AFF4: variants seen among roughly 807,000 people sequenced by gnomAD.
AFF4 encodes the protein AF4/FMR2 family member 4.
AFF4 carries 13 observed loss-of-function variants against 124.8 expected under a neutral mutation model. The observed-to-expected ratio is 0.10, with a 90% CI of 0.07 to 0.17. The LOEUF is 0.17. Ranked by LOEUF, AFF4 falls within the 10% of genes least tolerant of loss-of-function variation. The pLI is 1.00. For synonymous variants in AFF4, 477 were observed against 496.1 expected (o/e 0.96, Z 0.51); for missense variants, 1,092 against 1,403.8 (o/e 0.78, Z 3.55).
chr5:132,958,852 C>G (rs764614323), intron 1 of AFF4, among the ~76,000 whole-genome samples: 1 of 152,132 alleles, frequency 6.6e-6, no homozygotes, highest in East Asian at 1.9e-4. Flanking sequence ...GCCCTGTCCC[C>G]GAACAGATCT....
At chr5:132,928,494 T>C (rs959201851) in intron 4 of AFF4, among the ~76,000 whole-genome samples, 1 of 152,156 alleles carries the variant, frequency 6.6e-6, no homozygotes, top group African/African-American at 2.4e-5. Context: ...CCTCATTTTT[T>C]CCTTCAAAAA....
In AFF4 at chr5:132,937,151, T is replaced by C. The variant is rs1207857395; in HGVS notation, c.39A>G (p.Glu13=). Residue 13 remains glutamate, a synonymous_variant, in exon 2 of 21, where the codon GAA becomes GAG. Coordinates refer to ENST00000265343, the MANE Select transcript of AFF4 (RefSeq NM_014423.4). ...GAATTTCCTGATTCCGCCTTTCCCGTTCTTTCATACGCAGCACATTCCGGT... is the reference window on the plus strand; with the variant it reads ...GAATTTCCTGATTCCGCCTTTCCCGCTCTTTCATACGCAGCACATTCCGGT... The part of the protein sequence containing the change: ...REDRNVLRMK[E]RERRNQEIQQ... 1 of 1,613,936 alleles carries C rather than the reference T, an allele frequency of 6.2e-7. No homozygotes were observed. Among genetic ancestry groups the C allele is most frequent in the Non-Finnish European group, 8.5e-7 (1 of 1,179,970 alleles).
intron 5 of AFF4, among the ~76,000 whole-genome samples, chr5:132,922,169 G>C (rs904261814): frequency 6.6e-6 from 1 of 152,162 alleles, no homozygotes; most frequent in Non-Finnish European, 1.5e-5. Context: ...TGTAATCTCA[G>C]CACTTTAAGA....
intron 5 of AFF4, among the ~76,000 whole-genome samples, chr5:132,908,933 G>C (rs577036828): frequency 3.4e-4 from 51 of 150,988 alleles, no homozygotes; most frequent in African/African-American, 1.2e-3. Flanking sequence ...ACCACGCCCA[G>C]TTAATTTTTA....
chr5:132,951,597 G>A (rs56332103), intron 1 of AFF4, among the ~76,000 whole-genome samples: 1 of 152,030 alleles, frequency 6.6e-6, no homozygotes, highest in African/African-American at 2.4e-5. Context: ...GCACGATCTC[G>A]GCTCACTGCA....
intron 1 of AFF4, among the ~76,000 whole-genome samples, chr5:132,959,278 T>C (rs898354320): frequency 1.3e-5 from 2 of 151,816 alleles, no homozygotes; most frequent in Admixed American, 6.6e-5. Flanking sequence ...GGCGCCACCA[T>C]GCCCAGCTAA....
chr5:132,885,799 GTCTC>G (rs1251545157), intron 18 of AFF4, among the ~76,000 whole-genome samples: 1 of 152,104 alleles, frequency 6.6e-6, no homozygotes, highest in African/African-American at 2.4e-5. Context: ...TTGAGACAGA[GTCTC>G]TCTCTCTGTC....
intron 5 of AFF4, among the ~76,000 whole-genome samples, chr5:132,911,635 T>C (rs1347514365): frequency 1.3e-5 from 2 of 151,416 alleles, no homozygotes; most frequent in South Asian, 2.1e-4. Flanking sequence ...TACATGTAAT[T>C]GGAGTCCTTG....
rs1258555857 is a variant in AFF4 at position 132,896,553 on chromosome 5, A to G, written c.2077T>C (p.Phe693Leu). Residue 693 changes from phenylalanine (F) to leucine (L), a missense_variant, in exon 11 of 21, where the codon TTC becomes CTC. Physicochemically the swap from Phe to Leu is conservative, Grantham distance 22. Coordinates refer to ENST00000265343, the MANE Select transcript of AFF4 (RefSeq NM_014423.4). ...EEDSFFRQRM[F>L]SPMEEKELLS... ...AGTTCCTTCTCTTCCATAGGAGAGA[A>G]CATTCGTTGCCGAAAAAAGCTATCT... is the stretch of plus-strand genomic sequence containing the variant. 1 of 1,614,118 alleles carries G rather than the reference A, an allele frequency of 6.2e-7. No homozygotes were observed. The highest frequency in any genetic ancestry group is 2.2e-5 in the East Asian group (1 of 44,878).
At chr5:132,956,062 A>G (rs1761953316) in intron 1 of AFF4, among the ~76,000 whole-genome samples, 1 of 151,752 alleles carries the variant, frequency 6.6e-6, no homozygotes, top group Non-Finnish European at 1.5e-5. Context: ...TACATATTCT[A>G]CAAACAAAAA....
chr5:132,941,564 G>A (rs1761569188), intron 1 of AFF4, among the ~76,000 whole-genome samples: 3 of 152,024 alleles, frequency 2.0e-5, no homozygotes, highest in Non-Finnish European at 4.4e-5. Context: ...TCCAACTCCC[G>A]ATCTCAAGAG....
rs1411865779 is a variant in AFF4, at chr5:132,879,187, A to C, written c.*1872T>G. The C allele has an allele frequency of 3.6e-5, 8 of 219,760 alleles. No homozygotes were observed. Among genetic ancestry groups the C allele is most frequent in the African/African-American group, 1.8e-4 (8 of 44,636 alleles). 13.6% of individuals were successfully genotyped at this position (219,760 alleles called of 1,614,324 possible). Reference sequence around the variant, plus strand: ...AACAATCTGAGGTACAAAACAGTTAAGAAGCTCTATAAATATGAGGCCACA... The same window carrying C: ...AACAATCTGAGGTACAAAACAGTTACGAAGCTCTATAAATATGAGGCCACA... On this transcript the variant is annotated 3_prime_UTR_variant, in exon 21 of 21. Coordinates refer to ENST00000265343, the MANE Select transcript of AFF4 (RefSeq NM_014423.4).
At position 132,886,366 on chromosome 5, in the gene AFF4, T is replaced by C; in HGVS notation, c.3043A>G (p.Lys1015Glu). Residue 1015 changes from lysine to glutamate, a missense_variant, in exon 18 of 21, where the codon AAA (lysine) becomes GAA (glutamate). This residue lies in a region of AFF4 where 173 missense variants were observed against 294.9 expected (regional missense o/e 0.59). Transcript: ENST00000265343. Reference protein sequence around the residue: ...CESLLYLRLFKLKKENALKYS... With the variant: ...CESLLYLRLFELKKENALKYS... Reference sequence around the variant, plus strand: ...TTCAGAGCATTTTCCTTCTTCAGTTTGAACAGCCTCAGGTACAGCAAAGAC... The same window carrying C: ...TTCAGAGCATTTTCCTTCTTCAGTTCGAACAGCCTCAGGTACAGCAAAGAC... 1 of 1,614,204 alleles carries C rather than the reference T, an allele frequency of 6.2e-7. No individual in the cohort carries two copies. The highest frequency in any genetic ancestry group is 8.5e-7 in the Non-Finnish European group (1 of 1,180,032).
chr5:132,897,102 C>T lies in AFF4; in HGVS notation c.1528G>A (p.Gly510Ser), dbSNP rs975222814. 1.2e-6 allele frequency: 2 copies of T among 1,614,036 alleles called. No individual in the cohort carries two copies. The highest frequency in any genetic ancestry group is 4.5e-5 in the East Asian group (2 of 44,892). ...GTATCAGTGTAGCTATTCCCAGTGC[C>T]CTGCTCTCGGCCTTCCTTTTTGTAG... ...QGYKKEGREQ[G>S]TGNSYTDTSG... Residue 510 changes from glycine (G) to serine (S), a missense_variant, in exon 11 of 21, where the codon GGC (glycine) becomes AGC (serine). By Grantham distance (56) the Gly-to-Ser change is moderately conservative (BLOSUM62 0). This residue lies in a region of AFF4 where 174 missense variants were observed against 205.9 expected (regional missense o/e 0.84). Coordinates refer to ENST00000265343, the MANE Select transcript of AFF4 (RefSeq NM_014423.4).
chr5:132,922,650 C>T (rs1338535160), intron 5 of AFF4, among the ~76,000 whole-genome samples: 4 of 144,368 alleles, frequency 2.8e-5, no homozygotes, highest in South Asian at 4.5e-4. Context: ...CGTGGTGGCA[C>T]GTGCCTGTAG....
chr5:132,893,058 C>T lies in AFF4; in HGVS notation c.2368G>A (p.Ala790Thr). The change falls in exon 12 of 21, where the codon GCA (alanine) becomes ACA (threonine). Residue 790 changes from alanine (A) to threonine (T), a missense_variant. By Grantham distance (58) the Ala-to-Thr change is moderately conservative. Around this residue, in one of 11 missense-constraint regions of AFF4, gnomAD observed 293 missense variants for 280.2 expected, o/e 1.05. Transcript: ENST00000265343. ...CTGTTGCTGGATGGCTTATGGCCTG[C>T]TGAATTCTTGTCCTCCGTTTTGGGT... Reference protein sequence around the residue: ...KKPKTEDKNSAGHKPSSNRES... With the variant: ...KKPKTEDKNSTGHKPSSNRES... 3.1e-6 allele frequency: 5 copies of T among 1,614,084 alleles called. No homozygotes were observed. The highest frequency in any genetic ancestry group is 4.2e-6 in the Non-Finnish European group (5 of 1,179,988).
At chr5:132,917,094 T>G (rs1048873338) in intron 5 of AFF4, among the ~76,000 whole-genome samples, 1 of 151,936 alleles carries the variant, frequency 6.6e-6, no homozygotes, top group Non-Finnish European at 1.5e-5. Flanking sequence ...TAATTTTGTA[T>G]TTTTAGTAGA....
At chr5:132,907,893 G>C (rs1422357130) in intron 5 of AFF4, among the ~76,000 whole-genome samples, 1 of 152,028 alleles carries the variant, frequency 6.6e-6, no homozygotes, top group African/African-American at 2.4e-5. Flanking sequence ...TAAAATGCTA[G>C]ATCACACAGT....
chr5:132,880,696 G>A lies in AFF4; in HGVS notation c.*363C>T, dbSNP rs1334778186. 1 of 291,434 alleles carries A rather than the reference G, an allele frequency of 3.4e-6. No individual in the cohort carries two copies. Among genetic ancestry groups the A allele is most frequent in the Non-Finnish European group, 6.3e-6 (1 of 159,130 alleles). The allele number at this position is 291,434 out of a possible 1,614,324, so 18.1% of individuals were successfully genotyped here. Reference sequence around the variant, plus strand: ...AAATATTCAACAGAGTAAATTTATAGGCAGAAATAACTAAGTCTTAAACTA... The same window carrying A: ...AAATATTCAACAGAGTAAATTTATAAGCAGAAATAACTAAGTCTTAAACTA... On this transcript the variant is annotated 3_prime_UTR_variant, in exon 21 of 21. Transcript: ENST00000265343.
Sources: allele counts gnomAD v4.1 joint callset (sites outside exome capture counted in the v4.1 genomes callset), GRCh38; gene constraint gnomAD v4.1.1; regional missense constraint gnomAD v4.1.1; transcripts MANE v1.5; gene names NCBI Gene and HGNC (gene_info 2026-07-23, HGNC 2026-07-21).